GDPD4: variants seen among roughly 807,000 people sequenced by gnomAD.
GDPD4 encodes glycerophosphodiester phosphodiesterase 6.
Under a neutral mutation model 67.8 loss-of-function variants are expected in GDPD4, and 60 were observed. The observed-to-expected ratio is 0.88, with a 90% CI of 0.72 to 1.10. The LOEUF is 1.10. Ranked by LOEUF, GDPD4 falls within the 50% of genes least tolerant of loss-of-function variation. GDPD4 has a pLI of 0.00. For synonymous variants in GDPD4, 212 were observed against 210.9 expected (o/e 1.00, Z -0.04); for missense variants, 623 against 613.9 (o/e 1.01, Z -0.16).
intron 16 of GDPD4, among the ~76,000 whole-genome samples, chr11:77,217,945 C>T (rs1392670212): frequency 6.6e-6 from 1 of 152,042 alleles, no homozygotes; most frequent in East Asian, 1.9e-4. Flanking sequence ...ATCTAAAGCC[C>T]AGAACTCAGG....
At chr11:77,221,918 G>A (rs1396105041) in intron 16 of GDPD4, among the ~76,000 whole-genome samples, 2 of 152,232 alleles carry the variant, frequency 1.3e-5, no homozygotes, top group African/African-American at 4.8e-5. Flanking sequence ...GGGTGCTCCT[G>A]TATTGGGTGC....
At chr11:77,301,237 G>C (rs1938149752) in intron 1 of GDPD4, among the ~76,000 whole-genome samples, 1 of 151,978 alleles carries the variant, frequency 6.6e-6, no homozygotes. Flanking sequence ...CTGAACCCCT[G>C]ATGTTTTTTC....
chr11:77,263,237 A>AT (rs1054346792), intron 10 of GDPD4, among the ~76,000 whole-genome samples: 11 of 152,158 alleles, frequency 7.2e-5, no homozygotes, highest in Non-Finnish European at 1.0e-4. Flanking sequence ...CTTTTTTCTC[A>AT]TTTTTTAAAA....
chr11:77,223,307 C>G (rs1751820693), intron 16 of GDPD4, among the ~76,000 whole-genome samples: 1 of 151,876 alleles, frequency 6.6e-6, no homozygotes, highest in Middle Eastern at 3.4e-3. Context: ...AGTCTGGTTT[C>G]TCCCCATCTT....
chr11:77,237,838 G>A (rs12576053), intron 13 of GDPD4, among the ~76,000 whole-genome samples: 40,733 of 152,102 alleles, frequency 0.27, 5,987 homozygotes, highest in African/African-American at 0.36. Flanking sequence ...AAGGCTGGGC[G>A]CAATGGCTCA....
At position 77,285,191 on chromosome 11, in the gene GDPD4, G is replaced by A; in HGVS notation, c.-50-4C>T. 4 of 1,414,716 alleles carry A rather than the reference G, an allele frequency of 2.8e-6. No individual in the cohort carries two copies. The highest frequency in any genetic ancestry group is 4.0e-6 in the Non-Finnish European group (4 of 1,008,246). The allele number at this position is 1,414,716 out of a possible 1,614,324, so 87.6% of individuals were successfully genotyped here. A position where few individuals can be genotyped will look rare whatever the true frequency, so the allele number is the denominator to read the frequency against. On this transcript the variant is annotated splice_region_variant and splice_polypyrimidine_tract_variant and intron_variant, in intron 2 of 16. Coordinates refer to ENST00000315938, the MANE Select transcript of GDPD4 (RefSeq NM_182833.3). ...CACGGCAAAATAATTGCTCTTTCTGGGAAAAGAAAAAAGAAATCTAACTTA... is the reference window on the plus strand; with the variant it reads ...CACGGCAAAATAATTGCTCTTTCTGAGAAAAGAAAAAAGAAATCTAACTTA...
chr11:77,291,848 T>C (rs1368599624), intron 1 of GDPD4, among the ~76,000 whole-genome samples: 1 of 152,036 alleles, frequency 6.6e-6, no homozygotes, highest in African/African-American at 2.4e-5. Flanking sequence ...CTGACCAACA[T>C]GGAGAAACCC....
intron 11 of GDPD4, among the ~76,000 whole-genome samples, chr11:77,254,868 C>A (rs1419585307): frequency 6.6e-6 from 1 of 152,140 alleles, no homozygotes; most frequent in Non-Finnish European, 1.5e-5. Context: ...AATCAATAAT[C>A]ATACCCAACC....
intron 13 of GDPD4, among the ~76,000 whole-genome samples, chr11:77,241,759 A>G (rs1391414903): frequency 2.6e-5 from 4 of 151,902 alleles, no homozygotes; most frequent in Non-Finnish European, 5.9e-5. Flanking sequence ...CCTGGCCAAC[A>G]TGGTGAAACC....
intron 3 of GDPD4, among the ~76,000 whole-genome samples, chr11:77,280,263 A>G (rs901161580): frequency 2.0e-5 from 3 of 152,144 alleles, no homozygotes; most frequent in African/African-American, 7.2e-5. Context: ...TTGGACCCAA[A>G]AAAACATAAT....
chr11:77,225,397 A>G (rs1958309866), intron 16 of GDPD4, among the ~76,000 whole-genome samples: 1 of 152,136 alleles, frequency 6.6e-6, no homozygotes, highest in Non-Finnish European at 1.5e-5. Flanking sequence ...GCAGAGGCAG[A>G]AAAATATTTG....
chr11:77,243,832 G>A lies in GDPD4; in HGVS notation c.1103C>T (p.Ala368Val), dbSNP rs1591541314. The stretch of plus-strand genomic sequence containing the variant: ...GGACCTGACGTATTGCCTATCATGA[G>A]CTGGCAACCAAAAAATCTCTAAGGA... ...IEQHLIFWLPAHDRQYVRSVA... is the reference protein window; with the variant it reads ...IEQHLIFWLPVHDRQYVRSVA... The change falls in exon 13 of 17, where the codon GCT (alanine) becomes GTT (valine). Residue 368 changes from alanine (A) to valine (V), a missense_variant. Physicochemically the swap from Ala to Val is moderately conservative, Grantham distance 64 (BLOSUM62 0). Transcript: ENST00000315938. The A allele has an allele frequency of 5.0e-6, 8 of 1,612,672 alleles. No homozygotes were observed. The East Asian group carries it at 1.8e-4, about 36-fold the overall frequency.
chr11:77,240,990 A>G (rs1209711283), intron 13 of GDPD4, among the ~76,000 whole-genome samples: 1 of 152,240 alleles, frequency 6.6e-6, no homozygotes, highest in Non-Finnish European at 1.5e-5. Context: ...GTAAATTAGT[A>G]CAGCCATTAT....
At chr11:77,223,796 CCAGAGGTGGAGTCTA>C (rs1236280200) in intron 16 of GDPD4, among the ~76,000 whole-genome samples, 1 of 152,180 alleles carries the variant, frequency 6.6e-6, no homozygotes, top group African/African-American at 2.4e-5. Context: ...TGCCCTGCCC[CCAGAGGTGGAGTCTA>C]CAGAGGCAGG....
intron 13 of GDPD4, among the ~76,000 whole-genome samples, chr11:77,233,837 G>T (rs150424718): frequency 0.012 from 1,797 of 152,232 alleles, 11 homozygotes; most frequent in Middle Eastern, 0.017. Context: ...TACCAATCTG[G>T]TGAACTTATT....
intron 11 of GDPD4, among the ~76,000 whole-genome samples, chr11:77,248,496 G>T (rs550201629): frequency 1.3e-5 from 2 of 151,992 alleles, no homozygotes; most frequent in East Asian, 3.9e-4. Flanking sequence ...CACCATGCCC[G>T]GCCAACAATA....
intron 3 of GDPD4, among the ~76,000 whole-genome samples, chr11:77,281,427 G>A (rs941368228): frequency 1.3e-5 from 2 of 152,198 alleles, no homozygotes; most frequent in African/African-American, 4.8e-5. Context: ...GGGGAAAAGA[G>A]AGAGTTACGG....
chr11:77,258,949 C>T (rs1309742295), intron 10 of GDPD4, among the ~76,000 whole-genome samples: 3 of 152,116 alleles, frequency 2.0e-5, no homozygotes, highest in African/African-American at 7.2e-5. Context: ...CAGCTAGGCA[C>T]TGCACTGAGT....
intron 16 of GDPD4, among the ~76,000 whole-genome samples, chr11:77,223,758 G>C (rs554524925): frequency 3.0e-3 from 463 of 152,350 alleles, no homozygotes; most frequent in African/African-American, 0.011. Context: ...TTAGTCTGCA[G>C]AAGTTTCTGC....
Sources: allele counts gnomAD v4.1 joint callset (sites outside exome capture counted in the v4.1 genomes callset), GRCh38; gene constraint gnomAD v4.1.1; transcripts MANE v1.5; gene names NCBI Gene and HGNC (gene_info 2026-07-23, HGNC 2026-07-21).